Variants in DNAH9 observed in about 807,000 individuals in gnomAD.
DNAH9 encodes the protein DNAH9 variant protein.
Under a neutral mutation model 471.6 loss-of-function variants are expected in DNAH9, and 345 were observed. That is an observed-to-expected ratio of 0.73 (90% CI 0.67 to 0.80). The LOEUF (loss-of-function observed/expected upper bound fraction) is 0.80. Among genes scored for constraint, DNAH9 ranks in the 30% least tolerant of loss-of-function variants. The pLI, the probability that DNAH9 is intolerant of heterozygous loss-of-function variation, is 0.00. For missense variants in DNAH9, 5,407 were observed against 5,609.2 expected (o/e 0.96, Z 1.15); for synonymous variants, 2,093 against 2,123.6 (o/e 0.99, Z 0.40).
intron 67 of DNAH9, among the ~76,000 whole-genome samples, chr17:11,956,092 A>G (rs1362808476): frequency 6.6e-6 from 1 of 152,206 alleles, no homozygotes; most frequent in African/African-American, 2.4e-5. Context: ...CTGATTACCA[A>G]AACAAAGGAC....
At chr17:11,943,318 C>G (rs927600087) in intron 67 of DNAH9, among the ~76,000 whole-genome samples, 1 of 152,104 alleles carries the variant, frequency 6.6e-6, no homozygotes, top group Non-Finnish European at 1.5e-5. Flanking sequence ...TAGGGTCACA[C>G]GTGGATAGGA....
In DNAH9 at chr17:11,737,264, A is replaced by G. The variant is rs530481900; in HGVS notation, c.5815-1616A>G. On this transcript the variant is annotated intron_variant, in intron 28 of 68. Transcript: ENST00000262442. ...AATCCTAATTGTAGAACTGTCATGC[A>G]TCCAGGCAAACTGTGTACTCTGGAG... Among the ~76,000 whole-genome samples the G allele has an allele frequency of 3.9e-5, 6 of 152,350 alleles. No homozygotes were observed. In the East Asian group the frequency reaches 1.2e-3, roughly 29 times the overall value.
chr17:11,682,290 A>T (rs2074146744), intron 19 of DNAH9, among the ~76,000 whole-genome samples: 1 of 151,892 alleles, frequency 6.6e-6, no homozygotes, highest in Non-Finnish European at 1.5e-5. Flanking sequence ...TTGCTCTGTC[A>T]CCCAGGCTGG....
intron 48 of DNAH9, among the ~76,000 whole-genome samples, chr17:11,826,468 T>G (rs1970498004): frequency 1.5e-5 from 2 of 136,444 alleles, no homozygotes; most frequent in South Asian, 2.7e-4. Context: ...TTTTTTTTTT[T>G]TTTTTTTTTT....
chr17:11,841,750 T>A (rs1971041982), intron 49 of DNAH9, among the ~76,000 whole-genome samples: 1 of 152,144 alleles, frequency 6.6e-6, no homozygotes, highest in African/African-American at 2.4e-5. Context: ...GTAGCTTTTT[T>A]ATCTTTGTAG....
chr17:11,929,141 TCTC>T (rs1458056353), intron 62 of DNAH9, among the ~76,000 whole-genome samples: 2 of 150,976 alleles, frequency 1.3e-5, no homozygotes, highest in Non-Finnish European at 2.9e-5. Context: ...TTCATGTCAT[TCTC>T]CTCCCTCAGC....
At chr17:11,944,582 A>C (rs2151435126) in intron 67 of DNAH9, among the ~76,000 whole-genome samples, 1 of 152,318 alleles carries the variant, frequency 6.6e-6, no homozygotes, top group African/African-American at 2.4e-5. Context: ...ACAATGATAG[A>C]AAAGTAGCTG....
chr17:11,883,143 G>A (rs1972782054), intron 55 of DNAH9: 5 of 991,678 alleles, frequency 5.0e-6, no homozygotes, highest in Non-Finnish European at 6.0e-6. Flanking sequence ...GTTTAAAACT[G>A]GAAGACAGAT....
At chr17:11,756,717 T>C in intron 34 of DNAH9, 41 bp downstream of exon 34, 2 of 1,276,988 alleles carry the variant, frequency 1.6e-6, no homozygotes, top group Non-Finnish European at 2.3e-6. Flanking sequence ...CTACTCCACT[T>C]AGGGAGGTAC....
intron 66 of DNAH9, among the ~76,000 whole-genome samples, chr17:11,939,352 T>C (rs1974821374): frequency 6.6e-6 from 1 of 152,104 alleles, no homozygotes; most frequent in Admixed American, 6.6e-5. Flanking sequence ...TCAAAGAAGG[T>C]TCTAATGCTT....
At chr17:11,781,852 A>C (rs865810683) in intron 39 of DNAH9, among the ~76,000 whole-genome samples, 15 of 149,736 alleles carry the variant, frequency 1.0e-4, no homozygotes, top group African/African-American at 2.5e-4. Flanking sequence ...AACAAACAAA[A>C]AAAAAACTAC....
intron 50 of DNAH9, among the ~76,000 whole-genome samples, chr17:11,863,641 C>T (rs1239365910): frequency 6.6e-6 from 1 of 150,932 alleles, no homozygotes; most frequent in Non-Finnish European, 1.5e-5. Flanking sequence ...GCTGTGAATC[C>T]ATCTGGTCCT....
chr17:11,828,015 A>G (rs776247914), intron 48 of DNAH9, among the ~76,000 whole-genome samples: 3 of 152,134 alleles, frequency 2.0e-5, no homozygotes, highest in African/African-American at 2.4e-5. Context: ...ACTTCAAAAT[A>G]CACCCAGAAT....
chr17:11,796,178 G>A (rs1011088147), intron 42 of DNAH9, among the ~76,000 whole-genome samples: 1 of 152,104 alleles, frequency 6.6e-6, no homozygotes, highest in African/African-American at 2.4e-5. Context: ...TTCCTCCTCC[G>A]CTAGATGGTT....
At chr17:11,856,437 T>C (rs1971627406) in intron 50 of DNAH9, among the ~76,000 whole-genome samples, 1 of 151,852 alleles carries the variant, frequency 6.6e-6, no homozygotes, top group Admixed American at 6.6e-5. Flanking sequence ...CAGTGGCTCA[T>C]GCCTGTAATC....
intron 54 of DNAH9, 111 bp downstream of exon 54, chr17:11,880,311 A>G (rs1972669470): frequency 1.5e-6 from 2 of 1,369,358 alleles, no homozygotes; most frequent in East Asian, 4.8e-5. Flanking sequence ...GTTCATGTCA[A>G]GTAGCTCCCT....
chr17:11,764,783 A>G (rs1406298450), intron 36 of DNAH9, among the ~76,000 whole-genome samples: 1 of 152,212 alleles, frequency 6.6e-6, no homozygotes, highest in East Asian at 1.9e-4. Flanking sequence ...AATAACAATA[A>G]CAACGATAAA....
At position 11,669,372 on chromosome 17, in the gene DNAH9, C is replaced by T. The variant is rs1337463867; in HGVS notation, c.2931C>T (p.Val977=). 5.6e-6 allele frequency: 9 copies of T among 1,607,660 alleles called. No individual in the cohort carries two copies. Among genetic ancestry groups the T allele is most frequent in the African/African-American group, 5.3e-5 (4 of 74,808 alleles). Residue 977 remains valine (V), a splice_region_variant and synonymous_variant, in exon 17 of 69, where the codon GTC becomes GTT. Transcript: ENST00000262442. ...CTGCCGTTGTCTCGCTTCCCCAGGTCGACCTGGACGGTATACCAGATTTGG... is the reference window on the plus strand; with the variant it reads ...CTGCCGTTGTCTCGCTTCCCCAGGTTGACCTGGACGGTATACCAGATTTGG... ...SPQNGSPHYQ[V]DLDGIPDLAN...
Position 11,797,765 on chromosome 17 carries a change from G to C in DNAH9, c.8392G>C (p.Val2798Leu), listed in dbSNP as rs762519845. Residue 2798 changes from valine (V) to leucine (L), a missense_variant, in exon 43 of 69, where the codon GTT becomes CTT. By Grantham distance (32) the Val-to-Leu change is conservative. Around this residue, in one of 3 missense-constraint regions of DNAH9, gnomAD observed 4,636 missense variants for 4,900.3 expected, o/e 0.95. Transcript: ENST00000262442. ...TGAAGTCAACACAGTGATGGACCTA[G>C]TTCTCTTTGAGGATGCCATGCGCCA... The part of the protein sequence containing the change: ...HNEVNTVMDL[V>L]LFEDAMRHVC... The C allele has an allele frequency of 1.2e-6, 2 of 1,614,082 alleles. No homozygotes were observed.
Sources: allele counts gnomAD v4.1 joint callset (sites outside exome capture counted in the v4.1 genomes callset), GRCh38; gene constraint gnomAD v4.1.1; regional missense constraint gnomAD v4.1.1; transcripts MANE v1.5; gene names NCBI Gene and HGNC (gene_info 2026-07-23, HGNC 2026-07-21).